Variants in ROR1 observed in about 807,000 individuals in gnomAD.
The protein encoded by ROR1 is ROR family WNT receptor 1.
Under a neutral mutation model 78.8 loss-of-function variants are expected in ROR1, and 19 were observed. That is an observed-to-expected ratio of 0.24 (90% CI 0.17 to 0.35). The LOEUF (loss-of-function observed/expected upper bound fraction) is 0.35. Among genes scored for constraint, ROR1 ranks in the 10% least tolerant of loss-of-function variants. The pLI is 1.00. For missense variants in ROR1, 917 were observed against 1,177.8 expected (o/e 0.78, Z 3.24); for synonymous variants, 386 against 433.6 (o/e 0.89, Z 1.36).
At chr1:63,950,141 C>T (rs1645923552) in intron 1 of ROR1, among the ~76,000 whole-genome samples, 1 of 152,108 alleles carries the variant, frequency 6.6e-6, no homozygotes, top group African/African-American at 2.4e-5. Context: ...ATCCAGGCCC[C>T]ATGAGAGGAT....
At chr1:64,091,646 T>C (rs1239209576) in intron 4 of ROR1, among the ~76,000 whole-genome samples, 2 of 152,126 alleles carry the variant, frequency 1.3e-5, no homozygotes, top group Non-Finnish European at 2.9e-5. Flanking sequence ...GCCCACCTGG[T>C]ATTCTTCCTT....
intron 1 of ROR1, among the ~76,000 whole-genome samples, chr1:63,864,841 G>T (rs1415690870): frequency 1.4e-4 from 20 of 143,142 alleles, no homozygotes; most frequent in African/African-American, 5.0e-4. Flanking sequence ...AAATTTCAAG[G>T]TTTTTTTTTT....
At chr1:64,100,524 T>C (rs1001219768) in intron 4 of ROR1, among the ~76,000 whole-genome samples, 3 of 152,092 alleles carry the variant, frequency 2.0e-5, no homozygotes, top group African/African-American at 7.2e-5. Context: ...ATCAGTAATA[T>C]CCCCAAATGT....
chr1:64,096,328 C>T (rs548113564), intron 4 of ROR1, among the ~76,000 whole-genome samples: 15 of 151,998 alleles, frequency 9.9e-5, no homozygotes, highest in Non-Finnish European at 1.9e-4. Context: ...CAGATTATTT[C>T]GTCAGCCAGA....
intron 1 of ROR1, among the ~76,000 whole-genome samples, chr1:63,991,666 C>G (rs1646297520): frequency 6.6e-6 from 1 of 152,164 alleles, no homozygotes; most frequent in Non-Finnish European, 1.5e-5. Context: ...GTGTGGTAGA[C>G]TTCACTTTTC....
chr1:63,961,341 A>G (rs748035719), intron 1 of ROR1, among the ~76,000 whole-genome samples: 1 of 152,214 alleles, frequency 6.6e-6, no homozygotes, highest in Non-Finnish European at 1.5e-5. Flanking sequence ...CTGGGTACAT[A>G]TCCAAAGGAA....
At chr1:63,876,645 GGTGTGTGTGTGT>G (rs367954652) in intron 1 of ROR1, among the ~76,000 whole-genome samples, 6 of 130,610 alleles carry the variant, frequency 4.6e-5, no homozygotes, top group Middle Eastern at 3.5e-3. Context: ...CCACGAAAGG[GGTGTGTGTGTGT>G]GTGTGTGTGT....
At chr1:63,991,877 C>T (rs1260746563) in intron 1 of ROR1, among the ~76,000 whole-genome samples, 2 of 152,210 alleles carry the variant, frequency 1.3e-5, no homozygotes, top group African/African-American at 4.8e-5. Flanking sequence ...TGACCCTTCT[C>T]TCTTCTGTCA....
At chr1:64,132,117 C>A (rs1281080518) in intron 4 of ROR1, among the ~76,000 whole-genome samples, 1 of 152,178 alleles carries the variant, frequency 6.6e-6, no homozygotes, top group Non-Finnish European at 1.5e-5. Flanking sequence ...TAAAGACTTA[C>A]CTATTTTAAA....
At chr1:64,036,567 G>T (rs1298679566) in intron 2 of ROR1, among the ~76,000 whole-genome samples, 2 of 152,172 alleles carry the variant, frequency 1.3e-5, no homozygotes, top group Non-Finnish European at 2.9e-5. Context: ...TCCCCTGGGA[G>T]ATCCTTGAAA....
Position 64,035,561 on chromosome 1 carries a change from A to C in ROR1, c.164-14130A>C, listed in dbSNP as rs1040733953. Among the ~76,000 whole-genome samples the C allele has an allele frequency of 6.9e-4, 55 of 79,930 alleles. 1 individual carries two copies. The highest frequency in any genetic ancestry group is 4.1e-4 in the Non-Finnish European group (11 of 26,718). 52.4% of individuals were successfully genotyped at this position (79,930 alleles called of 152,430 possible). ...GAGGACACCTGGCCCAGGTTACGCC[A>C]GAGTCTCTTTCCCAGGAATTTGCAA... On this transcript the variant is annotated intron_variant, in intron 2 of 8. Transcript: ENST00000371079.
chr1:64,129,720 T>C lies in ROR1; in HGVS notation c.483-7649T>C, dbSNP rs77432175. Among the ~76,000 whole-genome samples the C allele has an allele frequency of 1.5e-4, 23 of 152,344 alleles. No homozygotes were observed. In the East Asian group the frequency reaches 4.4e-3, roughly 29 times the overall value. ...TTTGATTAGCAGTCTTCTGTATTCT[T>C]GCAAATACTGTACTAGTGCAGTCCT... On this transcript the variant is annotated intron_variant, in intron 4 of 8. Coordinates refer to ENST00000371079, the MANE Select transcript of ROR1 (RefSeq NM_005012.4).
chr1:64,009,252 A>G lies in ROR1; in HGVS notation c.92-53A>G, dbSNP rs368122051. On this transcript the variant is annotated intron_variant, in intron 1 of 8. Transcript: ENST00000371079. Reference sequence around the variant, plus strand: ...TAATGCTTCTAACAGCCTATAAATTACTATATTTAATATTGCCCTTGTCTT... The same window carrying G: ...TAATGCTTCTAACAGCCTATAAATTGCTATATTTAATATTGCCCTTGTCTT... The G allele has an allele frequency of 7.1e-5, 93 of 1,315,936 alleles. No homozygotes were observed. In the African/African-American group the frequency reaches 1.2e-3, roughly 17 times the overall value. 81.5% of individuals were successfully genotyped at this position (1,315,936 alleles called of 1,614,324 possible). A position where few individuals can be genotyped will look rare whatever the true frequency, so the allele number is the denominator to read the frequency against.
chr1:64,089,133 C>T (rs561805504), intron 4 of ROR1, among the ~76,000 whole-genome samples: 2 of 151,948 alleles, frequency 1.3e-5, no homozygotes, highest in African/African-American at 2.4e-5. Flanking sequence ...TGTGTTTCAC[C>T]TTCAGAATGC....
At chr1:64,014,574 T>C (rs1455061615) in intron 2 of ROR1, among the ~76,000 whole-genome samples, 1 of 147,712 alleles carries the variant, frequency 6.8e-6, no homozygotes, top group South Asian at 2.2e-4. Context: ...AGGTTCTCTA[T>C]AGAAAGCCAA....
chr1:64,013,710 TGA>T (rs1646495459), intron 2 of ROR1, among the ~76,000 whole-genome samples: 1 of 152,222 alleles, frequency 6.6e-6, no homozygotes, highest in Admixed American at 6.5e-5. Context: ...CCTTTGACCA[TGA>T]CATCAACAGT....
intron 6 of ROR1, among the ~76,000 whole-genome samples, chr1:64,141,609 AC>A (rs1649315314): frequency 6.6e-6 from 1 of 151,950 alleles, no homozygotes; most frequent in Non-Finnish European, 1.5e-5. Flanking sequence ...TCCATCCCCT[AC>A]CCCATCAGCA....
chr1:63,926,024 T>A (rs1409747275), intron 1 of ROR1, among the ~76,000 whole-genome samples: 1 of 151,764 alleles, frequency 6.6e-6, no homozygotes, highest in African/African-American at 2.4e-5. Context: ...TTTAATTAGA[T>A]CCCATTTGTC....
At position 63,803,158 on chromosome 1, in the gene ROR1, A is replaced by T. The variant is rs577172834; in HGVS notation, c.91+28650A>T. ...GAAGAATATTGTAACAAATGCAGGCATGTGAACACTTGGAGATACAAGCCT... is the reference window on the plus strand; with the variant it reads ...GAAGAATATTGTAACAAATGCAGGCTTGTGAACACTTGGAGATACAAGCCT... On this transcript the variant is annotated intron_variant, in intron 1 of 8. Transcript: ENST00000371079. Among the ~76,000 whole-genome samples the T allele has an allele frequency of 2.0e-3, 304 of 152,318 alleles. 2 individuals are homozygous for T. The highest frequency in any genetic ancestry group is 7.0e-3 in the African/African-American group (290 of 41,578).
Sources: allele counts gnomAD v4.1 joint callset (sites outside exome capture counted in the v4.1 genomes callset), GRCh38; gene constraint gnomAD v4.1.1; transcripts MANE v1.5; gene names NCBI Gene and HGNC (gene_info 2026-07-23, HGNC 2026-07-21).